The following PRKN variants were observed in gnomAD, a reference collection of about 807,000 sequenced individuals.
PRKN encodes the protein E3 ubiquitin-protein ligase parkin.
Under a neutral mutation model 59.5 loss-of-function variants are expected in PRKN, and 56 were observed. The ratio of observed to expected loss-of-function variants is 0.94; its 90% CI spans 0.76 to 1.18. The LOEUF is 1.18. PRKN is among the 50% of genes most tolerant of loss of function. The pLI, the probability that PRKN is intolerant of heterozygous loss-of-function variation, is 0.00. For missense variants in PRKN, 657 were observed against 596.4 expected (o/e 1.10, Z -1.06); for synonymous variants, 250 against 222.1 (o/e 1.13, Z -1.12).
chr6:161,853,621 G>A (rs1420654333), intron 6 of PRKN, among the ~76,000 whole-genome samples: 1 of 152,186 alleles, frequency 6.6e-6, no homozygotes, highest in Non-Finnish European at 1.5e-5. Context: ...GTTTGCAAAG[G>A]TAAAATTACT....
At chr6:161,799,792 C>CT (rs1171622807) in intron 6 of PRKN, among the ~76,000 whole-genome samples, 1 of 152,168 alleles carries the variant, frequency 6.6e-6, no homozygotes, top group Non-Finnish European at 1.5e-5. Context: ...CTGGGAAGGC[C>CT]TGGGGATGGG....
In PRKN at chr6:161,590,728, T is replaced by C. The variant is rs1583268634; in HGVS notation, c.872-21312A>G. ...AGCCTGGGTGACGACAGAGTGAGACTCTGTCTCAAAAAAAAAAAAAAAATT... is the reference window on the plus strand; with the variant it reads ...AGCCTGGGTGACGACAGAGTGAGACCCTGTCTCAAAAAAAAAAAAAAAATT... On this transcript the variant is annotated intron_variant, in intron 7 of 11. Transcript: ENST00000366898. Among the ~76,000 whole-genome samples the C allele has an allele frequency of 4.2e-5, 6 of 143,552 alleles. No individual in the cohort carries two copies. The Middle Eastern group carries it at 0.014, about 332-fold the overall frequency. 94.2% of individuals were successfully genotyped at this position (143,552 alleles called of 152,430 possible). A position where few individuals can be genotyped will look rare whatever the true frequency, so the allele number is the denominator to read the frequency against.
Position 162,009,016 on chromosome 6 carries a change from A to C in PRKN, c.619-35599T>G, listed in dbSNP as rs563274076. Among the ~76,000 whole-genome samples, 27 of 151,988 alleles carry C rather than the reference A, an allele frequency of 1.8e-4. 1 individual carries two copies. The highest frequency in any genetic ancestry group is 6.3e-4 in the African/African-American group (26 of 41,342). On this transcript the variant is annotated intron_variant, in intron 5 of 11. Coordinates refer to ENST00000366898, the MANE Select transcript of PRKN (RefSeq NM_004562.3). ...ACGCCTGTAATCCCAGCACTTTGGGAGGCTGAGGCGGGCGGATCACGAGGT... is the reference window on the plus strand; with the variant it reads ...ACGCCTGTAATCCCAGCACTTTGGGCGGCTGAGGCGGGCGGATCACGAGGT...
chr6:162,229,426 C>A (rs1778323036), intron 3 of PRKN, among the ~76,000 whole-genome samples: 1 of 152,210 alleles, frequency 6.6e-6, no homozygotes, highest in Admixed American at 6.5e-5. Context: ...CACGCAAGCA[C>A]CTGCTCTTAC....
chr6:162,429,271 T>C (rs1382567322), intron 2 of PRKN, among the ~76,000 whole-genome samples: 1 of 152,172 alleles, frequency 6.6e-6, no homozygotes, highest in Non-Finnish European at 1.5e-5. Flanking sequence ...ACGTGGCTTT[T>C]ATCTTCATGG....
chr6:162,134,882 G>A (rs1781506920), intron 4 of PRKN, among the ~76,000 whole-genome samples: 1 of 152,034 alleles, frequency 6.6e-6, no homozygotes, highest in Non-Finnish European at 1.5e-5. Flanking sequence ...TTACAATAGA[G>A]CTATTTTTAC....
intron 2 of PRKN, among the ~76,000 whole-genome samples, chr6:162,434,121 C>T (rs1217083606): frequency 6.6e-6 from 1 of 151,960 alleles, no homozygotes; most frequent in African/African-American, 2.4e-5. Context: ...ACAAGTACAC[C>T]CACAAAAATT....
chr6:162,471,345 G>C, intron 1 of PRKN, among the ~76,000 whole-genome samples: 1 of 152,058 alleles, frequency 6.6e-6, no homozygotes, highest in Non-Finnish European at 1.5e-5. Context: ...TGATTCACCT[G>C]CCTCAGCCTT....
At position 161,349,272 on chromosome 6, in the gene PRKN, C is replaced by T. The variant is rs1784432443; in HGVS notation, c.*827G>A. 4.4e-6 allele frequency: 1 copy of T among 225,442 alleles called. No individual in the cohort carries two copies. Among genetic ancestry groups the T allele is most frequent in the Non-Finnish European group, 8.8e-6 (1 of 113,382 alleles). The allele number at this position is 225,442 out of a possible 1,614,324, so 14.0% of individuals were successfully genotyped here. On this transcript the variant is annotated 3_prime_UTR_variant, in exon 12 of 12. Coordinates refer to ENST00000366898, the MANE Select transcript of PRKN (RefSeq NM_004562.3). The surrounding 1 kb of genome is among the most constrained non-coding windows in gnomAD (Gnocchi z 5.5). ...AAATCTCCAAGTTGCAAAATGAATA[C>T]TCAGAATCAAACTATAGATTTTTTG...
chr6:162,097,218 T>A (rs1162879213), intron 4 of PRKN, among the ~76,000 whole-genome samples: 1 of 152,154 alleles, frequency 6.6e-6, no homozygotes, highest in Admixed American at 6.6e-5. Context: ...ATAGTATGAT[T>A]TTTTTTAGGA....
chr6:161,697,807 C>T (rs1786083264), intron 7 of PRKN, among the ~76,000 whole-genome samples: 1 of 152,044 alleles, frequency 6.6e-6, no homozygotes, highest in African/African-American at 2.4e-5. Context: ...AAAATCAATC[C>T]CTGGCATTTT....
At chr6:162,441,114 C>T (rs1008084124) in intron 2 of PRKN, among the ~76,000 whole-genome samples, 1 of 151,964 alleles carries the variant, frequency 6.6e-6, no homozygotes, top group Non-Finnish European at 1.5e-5. Flanking sequence ...TCTCAACAGC[C>T]AGCTAGGCAT....
At chr6:161,565,742 A>G (rs1399490155) in intron 8 of PRKN, among the ~76,000 whole-genome samples, 1 of 152,158 alleles carries the variant, frequency 6.6e-6, no homozygotes, top group Admixed American at 6.6e-5. Context: ...GTGAGACCAG[A>G]CTAATACATC....
intron 7 of PRKN, among the ~76,000 whole-genome samples, chr6:161,659,517 C>G (rs993253): frequency 0.27 from 41,119 of 151,952 alleles, 6,170 homozygotes; most frequent in African/African-American, 0.41. Flanking sequence ...GGATACAGAG[C>G]AGTGCTAAGT....
At chr6:162,402,755 T>C (rs9458544) in intron 2 of PRKN, among the ~76,000 whole-genome samples, 21,594 of 151,626 alleles carry the variant, frequency 0.14, 2,490 homozygotes, top group African/African-American at 0.32. Context: ...CTCAAACTCT[T>C]GGCCTCAAGT....
At position 161,752,934 on chromosome 6, in the gene PRKN, G is replaced by A. The variant is rs1464895014; in HGVS notation, c.871+32838C>T. 3.3e-5 allele frequency among the ~76,000 whole-genome samples: 5 copies of A among 152,182 alleles called. No individual in the cohort carries two copies. The East Asian group carries it at 9.6e-4, about 29-fold the overall frequency. On this transcript the variant is annotated intron_variant, in intron 7 of 11. Coordinates refer to ENST00000366898, the MANE Select transcript of PRKN (RefSeq NM_004562.3). ...CAGGGGCATCAGGAAGGGAGGGACA[G>A]AGAATGGCATCAGTATGGGCAGTGG...
At chr6:162,473,138 T>C (rs1194591852) in intron 1 of PRKN, among the ~76,000 whole-genome samples, 1 of 152,190 alleles carries the variant, frequency 6.6e-6, no homozygotes, top group Non-Finnish European at 1.5e-5. Flanking sequence ...CATAAAATAC[T>C]AATGCCTTGG....
At chr6:162,472,816 A>ATATATATATATATATATATATATATATC (rs1480831944) in intron 1 of PRKN, among the ~76,000 whole-genome samples, 2 of 144,210 alleles carry the variant, frequency 1.4e-5, no homozygotes, top group Non-Finnish European at 3.0e-5. Flanking sequence ...ATATATATAT[A>ATATATATATATATATATATATATATATC]TCTTAGTAGA....
intron 6 of PRKN, among the ~76,000 whole-genome samples, chr6:161,950,732 A>T (rs1779956283): frequency 2.0e-5 from 3 of 152,156 alleles, no homozygotes; most frequent in Admixed American, 6.5e-5. Flanking sequence ...TTTATCAGGT[A>T]TGAGGGAAAC....
Sources: allele counts gnomAD v4.1 joint callset (sites outside exome capture counted in the v4.1 genomes callset), GRCh38; gene constraint gnomAD v4.1.1; non-coding constraint Gnocchi (gnomAD v3.1); transcripts MANE v1.5; gene names NCBI Gene and HGNC (gene_info 2026-07-23, HGNC 2026-07-21).